RPS6KC1: variants seen among roughly 807,000 people sequenced by gnomAD.
RPS6KC1 encodes the protein inactive ribosomal protein S6 kinase delta-1.
A neutral mutation model predicts 103.8 loss-of-function variants in RPS6KC1; 54 were observed. That is an observed-to-expected ratio of 0.52 (90% CI 0.42 to 0.65). The LOEUF is 0.65. RPS6KC1 is among the 30% of genes least tolerant of loss of function. The probability of loss-of-function intolerance (pLI) is 0.00; values close to 1 mark genes in which losing one functional copy is unlikely to be tolerated. For missense variants in RPS6KC1, 1,151 were observed against 1,253.8 expected (o/e 0.92, Z 1.24); for synonymous variants, 439 against 438.7 (o/e 1.00, Z -0.01).
At chr1:213,068,628 T>C (rs528965942) in intron 1 of RPS6KC1, among the ~76,000 whole-genome samples, 1 of 151,958 alleles carries the variant, frequency 6.6e-6, no homozygotes, top group South Asian at 2.1e-4. Context: ...ATTTGAATAA[T>C]GTATAGTTGT....
chr1:213,402,998 G>C, the RPS6KC1 span, among the ~76,000 whole-genome samples: 1 of 151,288 alleles, frequency 6.6e-6, no homozygotes, highest in East Asian at 1.9e-4. Context: ...CATGGTGGCA[G>C]GTGCCTGTAG....
intron 8 of RPS6KC1, among the ~76,000 whole-genome samples, chr1:213,223,313 CG>C (rs1215359674): frequency 6.6e-6 from 1 of 152,050 alleles, no homozygotes; most frequent in Non-Finnish European, 1.5e-5. Flanking sequence ...ATCCATTACT[CG>C]AGCAATGTAC....
chr1:213,485,173 A>G, the RPS6KC1 span, among the ~76,000 whole-genome samples: 1 of 152,144 alleles, frequency 6.6e-6, no homozygotes, highest in Non-Finnish European at 1.5e-5. Context: ...GCCTAAGGGA[A>G]TATTTTCAAA....
chr1:213,111,023 C>T (rs375298852), intron 4 of RPS6KC1, among the ~76,000 whole-genome samples: 9 of 151,706 alleles, frequency 5.9e-5, no homozygotes, highest in African/African-American at 2.2e-4. Context: ...TCAAGACTTG[C>T]CTTGCCCTTA....
At chr1:213,086,818 C>CAT (rs760482294) in intron 3 of RPS6KC1, among the ~76,000 whole-genome samples, 4 of 151,922 alleles carry the variant, frequency 2.6e-5, no homozygotes, top group South Asian at 2.1e-4. Context: ...TGCAAACCTG[C>CAT]ATATATATAT....
chr1:213,553,402 C>A, the RPS6KC1 span, among the ~76,000 whole-genome samples: 1 of 152,152 alleles, frequency 6.6e-6, no homozygotes, highest in South Asian at 2.1e-4. Flanking sequence ...TTTATCCAGG[C>A]CACCATTGAT....
chr1:213,404,614 C>A, the RPS6KC1 span, among the ~76,000 whole-genome samples: 1 of 152,154 alleles, frequency 6.6e-6, no homozygotes, highest in Non-Finnish European at 1.5e-5. Context: ...CATGACCTGC[C>A]ACACCAGGTG....
chr1:213,442,819 T>TGG, the RPS6KC1 span, among the ~76,000 whole-genome samples: 6 of 152,186 alleles, frequency 3.9e-5, no homozygotes, highest in Non-Finnish European at 7.3e-5. Context: ...TGTTCCTACA[T>TGG]GGCCTTGTCC....
the RPS6KC1 span, among the ~76,000 whole-genome samples, chr1:213,399,587 C>T: frequency 6.6e-6 from 1 of 152,090 alleles, no homozygotes; most frequent in Non-Finnish European, 1.5e-5. Context: ...CTGAGAGCTT[C>T]TTCTTAAAAG....
At chr1:213,416,628 CT>C in the RPS6KC1 span, among the ~76,000 whole-genome samples, 63 of 152,340 alleles carry the variant, frequency 4.1e-4, no homozygotes, top group Non-Finnish European at 5.6e-4. Context: ...CAAGCCTCCC[CT>C]GTCACAGTCC....
At chr1:213,275,820 T>G (rs2095111422), downstream of RPS6KC1, among the ~76,000 whole-genome samples, 1 of 152,202 alleles carries the variant, frequency 6.6e-6, no homozygotes, top group Non-Finnish European at 1.5e-5. Context: ...GAACCTATTC[T>G]TCCTGTCTAA....
At chr1:213,112,547 T>A (rs987273760) in intron 4 of RPS6KC1, among the ~76,000 whole-genome samples, 14 of 151,530 alleles carry the variant, frequency 9.2e-5, no homozygotes, top group African/African-American at 2.2e-4. Context: ...CTCAAACTTT[T>A]TTTTTATTTT....
At chr1:213,800,971 C>T in the RPS6KC1 span, among the ~76,000 whole-genome samples, 1 of 152,168 alleles carries the variant, frequency 6.6e-6, no homozygotes, top group Non-Finnish European at 1.5e-5. Flanking sequence ...GAAGAGAAGG[C>T]AAGTTCAGCT....
At chr1:213,521,451 T>C in the RPS6KC1 span, among the ~76,000 whole-genome samples, 6 of 152,170 alleles carry the variant, frequency 3.9e-5, no homozygotes, top group African/African-American at 1.4e-4. Context: ...ATCAGGATGG[T>C]GATTGCTGAT....
the RPS6KC1 span, among the ~76,000 whole-genome samples, chr1:213,611,866 G>A: frequency 6.6e-6 from 1 of 152,214 alleles, no homozygotes. Flanking sequence ...AAATAGGTGG[G>A]AGGGAAGGTG....
the RPS6KC1 span, among the ~76,000 whole-genome samples, chr1:213,576,719 T>C: frequency 6.6e-6 from 1 of 152,192 alleles, no homozygotes; most frequent in Non-Finnish European, 1.5e-5. Flanking sequence ...AGTGGCATCT[T>C]TGTGTTCAAG....
chr1:213,240,212 C>A (rs971818962), intron 10 of RPS6KC1, among the ~76,000 whole-genome samples: 1 of 152,062 alleles, frequency 6.6e-6, no homozygotes, highest in Non-Finnish European at 1.5e-5. Context: ...TTCCTCCAAT[C>A]CTGGACTGGA....
At chr1:213,662,624 G>A in the RPS6KC1 span, among the ~76,000 whole-genome samples, 3 of 151,980 alleles carry the variant, frequency 2.0e-5, no homozygotes, top group Non-Finnish European at 4.4e-5. Context: ...GCTCCCCTGC[G>A]CATAGATGTT....
At chr1:213,680,900 G>C in the RPS6KC1 span, among the ~76,000 whole-genome samples, 3 of 152,182 alleles carry the variant, frequency 2.0e-5, no homozygotes, top group Non-Finnish European at 2.9e-5. Context: ...AGCCAGGGAG[G>C]ATGGCAGAGC....
Sources: allele counts gnomAD v4.1 joint callset (sites outside exome capture counted in the v4.1 genomes callset), GRCh38; gene constraint gnomAD v4.1.1; transcripts MANE v1.5; gene names NCBI Gene and HGNC (gene_info 2026-07-23, HGNC 2026-07-21).